Variants in DNAJC5B observed in about 807,000 individuals in gnomAD.
The protein encoded by DNAJC5B is DnaJ heat shock protein family (Hsp40) member C5 beta, also known as dnaJ homolog subfamily C member 5B.
A neutral mutation model predicts 24.7 loss-of-function variants in DNAJC5B; 23 were observed. The observed-to-expected ratio is 0.93, with a 90% confidence interval of 0.67 to 1.32. The LOEUF (loss-of-function observed/expected upper bound fraction) is 1.32. Ranked by LOEUF, DNAJC5B falls within the 40% of genes most tolerant of loss-of-function variation. The pLI is 0.00. For missense variants in DNAJC5B, 238 were observed against 240.8 expected (o/e 0.99, Z 0.08); for synonymous variants, 101 against 90.1 (o/e 1.12, Z -0.68).
In DNAJC5B at chr8:66,100,564, T is replaced by C. The variant is rs886082329; in HGVS notation, c.*533T>C. 2.6e-5 allele frequency: 4 copies of C among 152,144 alleles called. No individual in the cohort carries two copies. The East Asian group carries it at 7.7e-4, about 29-fold the overall frequency. 9.4% of individuals were successfully genotyped at this position (152,144 alleles called of 1,614,324 possible). On this transcript the variant is annotated 3_prime_UTR_variant, in exon 6 of 6. Transcript: ENST00000276570. Reference sequence around the variant, plus strand: ...TTTTAAATCACATTTTTAAGGTATATTTTTGGAACATTAAAAATTGGCATT... The same window carrying C: ...TTTTAAATCACATTTTTAAGGTATACTTTTGGAACATTAAAAATTGGCATT...
intron 5 of DNAJC5B, among the ~76,000 whole-genome samples, chr8:66,087,003 T>A (rs1013801861): frequency 2.6e-5 from 4 of 152,190 alleles, no homozygotes; most frequent in African/African-American, 9.6e-5. Context: ...GAACAGGGAT[T>A]AACTAGGGAA....
intron 1 of DNAJC5B, among the ~76,000 whole-genome samples, chr8:66,037,752 C>G (rs1433995704): frequency 1.3e-5 from 2 of 152,204 alleles, no homozygotes; most frequent in Admixed American, 1.3e-4. Flanking sequence ...GCTTTGCAGA[C>G]CAGAAGCTCT....
intron 1 of DNAJC5B, among the ~76,000 whole-genome samples, chr8:66,038,796 T>C (rs2128957469): frequency 6.6e-6 from 1 of 152,374 alleles, no homozygotes; most frequent in Middle Eastern, 3.4e-3. Context: ...TACATCTGTT[T>C]GACCTGAAGC....
intron 5 of DNAJC5B, among the ~76,000 whole-genome samples, chr8:66,086,916 T>C (rs949762893): frequency 1.3e-5 from 2 of 152,208 alleles, no homozygotes; most frequent in African/African-American, 4.8e-5. Flanking sequence ...TGGGGCAATC[T>C]TTACTCCAGA....
intron 3 of DNAJC5B, 38 bp downstream of exon 3, chr8:66,051,704 TGA>T: frequency 6.7e-7 from 1 of 1,484,018 alleles, no homozygotes. Context: ...CTGCTACTAG[TGA>T]GTTATTTTGT....
intron 5 of DNAJC5B, among the ~76,000 whole-genome samples, chr8:66,083,206 T>A (rs1174749059): frequency 6.6e-6 from 1 of 151,850 alleles, no homozygotes; most frequent in African/African-American, 2.4e-5. Flanking sequence ...AGAGATTGGG[T>A]TTCACCGTAT....
rs556722568 is a variant in DNAJC5B at position 66,064,784 on chromosome 8, G to T, written c.120-11876G>T. Among the ~76,000 whole-genome samples the T allele has an allele frequency of 1.5e-4, 23 of 152,292 alleles. No individual in the cohort carries two copies. In the South Asian group the frequency reaches 2.3e-3, roughly 15 times the overall value. ...AGCTGTCAGTGACCCACTGGTGTCA[G>T]AAGTTCAGGTCCTCATCCCCTAAAG... On this transcript the variant is annotated intron_variant, in intron 3 of 5. Coordinates refer to ENST00000276570, the MANE Select transcript of DNAJC5B (RefSeq NM_033105.6).
chr8:66,076,778 T>C lies in DNAJC5B; in HGVS notation c.238T>C (p.Tyr80His). The C allele has an allele frequency of 1.2e-6, 2 of 1,614,176 alleles. No homozygotes were observed. Among genetic ancestry groups the C allele is most frequent in the Non-Finnish European group, 1.7e-6 (2 of 1,180,032 alleles). ...ILTDISKRSI[Y>H]DKYGSLGLYV... The stretch of plus-strand genomic sequence containing the variant: ...TACCGACATTTCAAAGAGAAGCATA[T>C]ACGACAAGTACGGATCGCTGGGACT... Residue 80 changes from tyrosine to histidine, a missense_variant, in exon 4 of 6, where the codon TAC (tyrosine) becomes CAC (histidine). Transcript: ENST00000276570.
intron 2 of DNAJC5B, among the ~76,000 whole-genome samples, chr8:66,049,218 T>C (rs1806792582): frequency 6.6e-6 from 1 of 152,240 alleles, no homozygotes; most frequent in African/African-American, 2.4e-5. Flanking sequence ...GACATCATAG[T>C]TGTCATAATG....
chr8:66,031,951 T>G (rs1355665656), intron 1 of DNAJC5B, among the ~76,000 whole-genome samples: 2 of 152,222 alleles, frequency 1.3e-5, no homozygotes, highest in Non-Finnish European at 2.9e-5. Context: ...ACCTACTATG[T>G]CATCAGTTGG....
chr8:66,090,279 GT>G (rs1807820216), intron 5 of DNAJC5B, among the ~76,000 whole-genome samples: 1 of 150,080 alleles, frequency 6.7e-6, no homozygotes, highest in South Asian at 2.1e-4. Flanking sequence ...GTGTGTGTGT[GT>G]GGTAGAGAGA....
At chr8:66,061,436 G>A (rs1455271584) in intron 3 of DNAJC5B, among the ~76,000 whole-genome samples, 2 of 152,136 alleles carry the variant, frequency 1.3e-5, no homozygotes, top group Non-Finnish European at 2.9e-5. Context: ...AAAATGCTTA[G>A]CCAGGGTTTG....
At chr8:66,092,843 C>T (rs767271150) in intron 5 of DNAJC5B, among the ~76,000 whole-genome samples, 9 of 151,874 alleles carry the variant, frequency 5.9e-5, no homozygotes, top group African/African-American at 1.9e-4. Flanking sequence ...ATTTTAGATT[C>T]GTGGGTACAT....
rs184830252 is a variant in DNAJC5B, at chr8:66,031,756, T to C, written c.-142+10051T>C. Among the ~76,000 whole-genome samples, 87 of 152,248 alleles carry C rather than the reference T, an allele frequency of 5.7e-4. No homozygotes were observed. The East Asian group carries it at 0.016, about 28-fold the overall frequency. Reference sequence around the variant, plus strand: ...CCATTCAGGCCTTCAGCTGATTCGATGATGGCCACTCACAGTGAGGGTGGG... The same window carrying C: ...CCATTCAGGCCTTCAGCTGATTCGACGATGGCCACTCACAGTGAGGGTGGG... On this transcript the variant is annotated intron_variant, in intron 1 of 5. Transcript: ENST00000276570.
At chr8:66,026,249 C>A (rs1406373345) in intron 1 of DNAJC5B, among the ~76,000 whole-genome samples, 2 of 150,150 alleles carry the variant, frequency 1.3e-5, no homozygotes, top group African/African-American at 5.0e-5. Flanking sequence ...TATAAGAATG[C>A]TTGTGATTTT....
intron 3 of DNAJC5B, among the ~76,000 whole-genome samples, chr8:66,052,698 T>G (rs1213572082): frequency 4.6e-5 from 7 of 152,206 alleles, no homozygotes; most frequent in Admixed American, 3.3e-4. Context: ...ATGATGATTT[T>G]AATGAATTTC....
At chr8:66,085,633 T>C (rs1263187785) in intron 5 of DNAJC5B, among the ~76,000 whole-genome samples, 5 of 152,214 alleles carry the variant, frequency 3.3e-5, no homozygotes, top group Non-Finnish European at 7.4e-5. Flanking sequence ...CTATACTCTC[T>C]AGTCTGTCCC....
intron 1 of DNAJC5B, among the ~76,000 whole-genome samples, chr8:66,029,001 G>C (rs1806305185): frequency 6.6e-6 from 1 of 152,124 alleles, no homozygotes; most frequent in Non-Finnish European, 1.5e-5. Flanking sequence ...AGGTAGATCT[G>C]TCTGCCTTCA....
intron 5 of DNAJC5B, among the ~76,000 whole-genome samples, chr8:66,092,294 G>T (rs533283148): frequency 1.3e-5 from 2 of 152,282 alleles, no homozygotes; most frequent in South Asian, 4.1e-4. Context: ...GCAAATTCAC[G>T]CAGCACAACG....
Sources: gnomAD v4.1 joint callset for allele counts (sites outside exome capture counted in the v4.1 genomes callset) on GRCh38, gnomAD v4.1.1 for gene constraint, MANE v1.5 for transcripts, NCBI Gene and HGNC (gene_info 2026-07-23, HGNC 2026-07-21) for gene names.